The following MORC1 variants were observed in gnomAD, a reference collection of about 807,000 sequenced individuals.
The protein encoded by MORC1 is MORC family CW-type zinc finger protein 1.
Under a neutral mutation model 134.9 loss-of-function variants are expected in MORC1, and 59 were observed. The ratio of observed to expected loss-of-function variants is 0.44; its 90% confidence interval spans 0.35 to 0.54. MORC1 has a LOEUF of 0.54. MORC1 is among the 20% of genes least tolerant of loss of function. MORC1 has a pLI of 0.00. For missense variants in MORC1, 947 were observed against 1,134.5 expected (o/e 0.83, Z 2.37); for synonymous variants, 395 against 391.7 (o/e 1.01, Z -0.10).
At chr3:109,036,759 C>T (rs1242110094) in intron 14 of MORC1, among the ~76,000 whole-genome samples, 1 of 152,170 alleles carries the variant, frequency 6.6e-6, no homozygotes, top group Admixed American at 6.5e-5. Context: ...AAGCAGACCT[C>T]ACAAATTCTC....
intron 21 of MORC1, among the ~76,000 whole-genome samples, chr3:108,995,254 A>G (rs1440793266): frequency 6.6e-6 from 1 of 152,182 alleles, no homozygotes; most frequent in Non-Finnish European, 1.5e-5. Flanking sequence ...AGCAACATCT[A>G]CTCAGACACT....
At chr3:108,995,779 G>A (rs1948185357) in intron 21 of MORC1, among the ~76,000 whole-genome samples, 1 of 152,174 alleles carries the variant, frequency 6.6e-6, no homozygotes, top group African/African-American at 2.4e-5. Context: ...GCAAGGCATG[G>A]ATGATGGATT....
chr3:109,104,847 G>C (rs1416029984), intron 3 of MORC1, among the ~76,000 whole-genome samples: 1 of 141,102 alleles, frequency 7.1e-6, no homozygotes. Context: ...TGTTTAAAGT[G>C]CACAATTTGA....
At position 109,100,553 on chromosome 3, in the gene MORC1, C is replaced by T. The variant is rs1576744239; in HGVS notation, c.224-46G>A. 3.4e-6 allele frequency: 5 copies of T among 1,454,744 alleles called. No individual in the cohort carries two copies. In the Admixed American group the frequency reaches 5.0e-5, roughly 15 times the overall value. The allele number at this position is 1,454,744 out of a possible 1,614,324, so 90.1% of individuals were successfully genotyped here. A position where few individuals can be genotyped will look rare whatever the true frequency, so the allele number is the denominator to read the frequency against. On this transcript the variant is annotated intron_variant, in intron 4 of 27. Transcript: ENST00000232603. Reference sequence around the variant, plus strand: ...TAAGGTGGTTAGGAAGACTCTTTGACACTGGCCTGAGGCCCAGCTGTCAGG... The same window carrying T: ...TAAGGTGGTTAGGAAGACTCTTTGATACTGGCCTGAGGCCCAGCTGTCAGG...
At chr3:109,016,637 C>T (rs573881662) in intron 17 of MORC1, among the ~76,000 whole-genome samples, 55 of 152,170 alleles carry the variant, frequency 3.6e-4, no homozygotes, top group African/African-American at 1.3e-3. Context: ...CCGAGGTGCG[C>T]AGATGACTTG....
At chr3:109,018,685 AG>A (rs777445128) in intron 17 of MORC1, among the ~76,000 whole-genome samples, 6 of 152,236 alleles carry the variant, frequency 3.9e-5, no homozygotes, top group Non-Finnish European at 8.8e-5. Context: ...GGTAAAAACC[AG>A]AGCAAAGGGT....
chr3:109,107,645 G>C (rs1951067664), intron 3 of MORC1, among the ~76,000 whole-genome samples: 1 of 152,198 alleles, frequency 6.6e-6, no homozygotes, highest in African/African-American at 2.4e-5. Context: ...CGAGGCCACA[G>C]TAAATAATCT....
At chr3:109,116,823 C>T (rs1951284819) in intron 1 of MORC1, among the ~76,000 whole-genome samples, 1 of 152,090 alleles carries the variant, frequency 6.6e-6, no homozygotes, top group Admixed American at 6.6e-5. Flanking sequence ...GAGAAGTCTT[C>T]CATTTGTATC....
chr3:108,958,337 A>G lies in MORC1; in HGVS notation c.*628T>C, dbSNP rs1029848134. The G allele has an allele frequency of 1.3e-5, 2 of 152,124 alleles. No homozygotes were observed. The highest frequency in any genetic ancestry group is 3.4e-3 in the Middle Eastern group (1 of 294). The allele number at this position is 152,124 out of a possible 1,614,324, so 9.4% of individuals were successfully genotyped here. Reference sequence around the variant, plus strand: ...CTTATCAAGAAAAGTGTAAAAACATACTTCTTTACGTATATGTAAATGTAA... The same window carrying G: ...CTTATCAAGAAAAGTGTAAAAACATGCTTCTTTACGTATATGTAAATGTAA... On this transcript the variant is annotated 3_prime_UTR_variant, in exon 28 of 28. Transcript: ENST00000232603.
chr3:108,988,272 A>C (rs993480986), intron 21 of MORC1, among the ~76,000 whole-genome samples: 1 of 152,200 alleles, frequency 6.6e-6, no homozygotes, highest in Non-Finnish European at 1.5e-5. Flanking sequence ...CTAAATCAAG[A>C]GCAAGAAAAG....
At position 109,114,240 on chromosome 3, in the gene MORC1, G is replaced by C. The variant is rs1051566398; in HGVS notation, c.119+144C>G. Reference sequence around the variant, plus strand: ...TTTCTCTCAACTATCCTTTTTCCTAGAACACCTTGATTTTATAGGAAATCA... The same window carrying C: ...TTTCTCTCAACTATCCTTTTTCCTACAACACCTTGATTTTATAGGAAATCA... On this transcript the variant is annotated intron_variant, in intron 2 of 27. Coordinates refer to ENST00000232603, the MANE Select transcript of MORC1 (RefSeq NM_014429.4). 8 of 626,902 alleles carry C rather than the reference G, an allele frequency of 1.3e-5. No homozygotes were observed. The African/African-American group carries it at 1.3e-4, about 10-fold the overall frequency. The allele number at this position is 626,902 out of a possible 1,614,324, so 38.8% of individuals were successfully genotyped here. A position where few individuals can be genotyped will look rare whatever the true frequency, so the allele number is the denominator to read the frequency against.
At chr3:109,051,689 A>G (rs2107660981) in intron 14 of MORC1, among the ~76,000 whole-genome samples, 1 of 152,322 alleles carries the variant, frequency 6.6e-6, no homozygotes, top group Non-Finnish European at 1.5e-5. Flanking sequence ...AACAATAATA[A>G]TAAAAACACA....
intron 8 of MORC1, among the ~76,000 whole-genome samples, chr3:109,090,634 A>C (rs2107755975): frequency 6.6e-6 from 1 of 151,618 alleles, no homozygotes; most frequent in East Asian, 1.9e-4. Context: ...AAAAAAAAAA[A>C]AAAAAAAACA....
intron 26 of MORC1, among the ~76,000 whole-genome samples, chr3:108,967,322 T>G (rs1188530509): frequency 2.0e-5 from 3 of 152,194 alleles, no homozygotes; most frequent in Admixed American, 6.5e-5. Context: ...AACAGCTGTA[T>G]GACAGTATAA....
At chr3:108,959,268 G>T in intron 27 of MORC1, 148 bp from the exon 28 acceptor site, 1 of 603,400 alleles carries the variant, frequency 1.7e-6, no homozygotes, top group Non-Finnish European at 2.6e-6. Context: ...CCTTTCAAAA[G>T]GTTTTCTCAT....
At chr3:108,961,318 A>T (rs1947074100) in intron 27 of MORC1, among the ~76,000 whole-genome samples, 1 of 152,176 alleles carries the variant, frequency 6.6e-6, no homozygotes, top group Admixed American at 6.5e-5. Context: ...CACTGTTCCT[A>T]CAGATGGATT....
intron 3 of MORC1, chr3:109,110,446 A>C: frequency 3.4e-6 from 1 of 290,416 alleles, no homozygotes; most frequent in Non-Finnish European, 6.3e-6. Context: ...CCGTTAATTT[A>C]ATATACTTTT....
At chr3:109,091,264 G>A (rs1162979591) in intron 8 of MORC1, among the ~76,000 whole-genome samples, 2 of 151,504 alleles carry the variant, frequency 1.3e-5, no homozygotes, top group African/African-American at 4.9e-5. Context: ...CCAACATGGT[G>A]AAACCCCGTC....
intron 24 of MORC1, among the ~76,000 whole-genome samples, chr3:108,975,976 A>T (rs1276606713): frequency 1.3e-5 from 2 of 152,164 alleles, no homozygotes; most frequent in Non-Finnish European, 2.9e-5. Flanking sequence ...CTTTCAATTA[A>T]ATTAAAAGTA....
Sources: allele counts gnomAD v4.1 joint callset (sites outside exome capture counted in the v4.1 genomes callset), GRCh38; gene constraint gnomAD v4.1.1; transcripts MANE v1.5; gene names NCBI Gene and HGNC (gene_info 2026-07-23, HGNC 2026-07-21).